Variants in BARD1 observed in about 807,000 individuals in gnomAD.
The protein encoded by BARD1 is BRCA1-associated RING domain protein 1.
In BARD1, 73 loss-of-function variants were observed where a neutral mutation model predicts 77.0. That is an observed-to-expected ratio of 0.95 (90% confidence interval 0.79 to 1.15). BARD1 has a LOEUF of 1.15. BARD1 is among the 50% of genes most tolerant of loss of function. The pLI is 0.00. For missense variants in BARD1, 993 were observed against 938.8 expected (o/e 1.06, Z -0.75); for synonymous variants, 384 against 338.0 (o/e 1.14, Z -1.49).
At chr2:214,740,110 A>G (rs1034325097) in intron 9 of BARD1, among the ~76,000 whole-genome samples, 1 of 151,958 alleles carries the variant, frequency 6.6e-6, no homozygotes, top group Non-Finnish European at 1.5e-5. Flanking sequence ...ACGTCCAAAA[A>G]TTCTCCTAAT....
intron 4 of BARD1, among the ~76,000 whole-genome samples, chr2:214,774,859 A>T (rs1444987371): frequency 6.6e-6 from 1 of 152,192 alleles, no homozygotes; most frequent in Non-Finnish European, 1.5e-5. Flanking sequence ...CTGCTGTTTC[A>T]ACTTGCATTG....
intron 9 of BARD1, among the ~76,000 whole-genome samples, chr2:214,733,273 T>G (rs1692435737): frequency 6.6e-6 from 1 of 152,228 alleles, no homozygotes. Flanking sequence ...GTTTTGGATT[T>G]TGGAATATTT....
chr2:214,809,347 C>T, intron 1 of BARD1, 65 bp downstream of exon 1: 1 of 1,596,280 alleles, frequency 6.3e-7, no homozygotes, highest in Non-Finnish European at 8.5e-7. Context: ...TGAAAAGATT[C>T]TGCCGCCCCC....
intron 2 of BARD1, among the ~76,000 whole-genome samples, chr2:214,793,151 T>C (rs1222310758): frequency 6.6e-6 from 1 of 152,050 alleles, no homozygotes; most frequent in Non-Finnish European, 1.5e-5. Flanking sequence ...TAGGACTGAG[T>C]AAGTAATGTA....
Position 214,761,981 on chromosome 2 carries a change from C to T in BARD1, c.1568+5501G>A, listed in dbSNP as rs192270187. The stretch of plus-strand genomic sequence containing the variant: ...GAAACGTACTAAATCAACAGCTCTC[C>T]TATATATCAAGAATAACAAATTATA... On this transcript the variant is annotated intron_variant, in intron 6 of 10. Transcript: ENST00000260947. Among the ~76,000 whole-genome samples, 411 of 152,232 alleles carry T rather than the reference C, an allele frequency of 2.7e-3. 2 individuals are homozygous for T. The highest frequency in any genetic ancestry group is 9.4e-3 in the African/African-American group (391 of 41,542).
At position 214,728,796 on chromosome 2, in the gene BARD1, G is replaced by GATGAT; in HGVS notation, c.2209_2213dup (p.Tyr739SerfsTer28). The GATGAT allele has an allele frequency of 6.2e-7, 1 of 1,614,186 alleles. No individual in the cohort carries two copies. The highest frequency in any genetic ancestry group is 2.2e-5 in the East Asian group (1 of 44,878). ...GGTGATAATTACACAAATCTTCATA[G>GATGAT]ATGATATACTGTGTGCAGAAGCGCT... On this transcript the variant is annotated frameshift_variant, in exon 11 of 11. Coordinates refer to ENST00000260947, the MANE Select transcript of BARD1 (RefSeq NM_000465.4). LOFTEE classifies it high-confidence loss of function.
chr2:214,769,031 T>G lies in BARD1; in HGVS notation c.1395+201A>C, dbSNP rs1354938731. Among the ~76,000 whole-genome samples, 5 of 152,206 alleles carry G rather than the reference T, an allele frequency of 3.3e-5. No homozygotes were observed. The East Asian group carries it at 9.6e-4, about 29-fold the overall frequency. On this transcript the variant is annotated intron_variant, in intron 5 of 10. Transcript: ENST00000260947. ...GATTCCTAAATCTAAAGGTAGTCTG[T>G]CAAAAGGTAACCAATTTCTTGCCTG...
At chr2:214,755,949 T>C (rs1055426459) in intron 6 of BARD1, among the ~76,000 whole-genome samples, 8 of 152,352 alleles carry the variant, frequency 5.3e-5, no homozygotes, top group Admixed American at 3.9e-4. Flanking sequence ...CACGACAGTA[T>C]ATTAATATCT....
At chr2:214,730,263 A>G (rs905901632) in intron 10 of BARD1, 148 bp downstream of exon 10, 1 of 707,128 alleles carries the variant, frequency 1.4e-6, no homozygotes, top group Non-Finnish European at 2.5e-6. Context: ...CATCGTGATC[A>G]TCTTTCAGAA....
chr2:214,789,412 G>T lies in BARD1; in HGVS notation c.364+2885C>A, dbSNP rs570730240. On this transcript the variant is annotated intron_variant, in intron 3 of 10. Transcript: ENST00000260947. Reference sequence around the variant, plus strand: ...AAATTAATTGGCAGGGTATGTGGTGGTGAGTGCCTGTAGTCGTAGCTACTT... The same window carrying T: ...AAATTAATTGGCAGGGTATGTGGTGTTGAGTGCCTGTAGTCGTAGCTACTT... Among the ~76,000 whole-genome samples, 11 of 151,778 alleles carry T rather than the reference G, an allele frequency of 7.2e-5. 1 individual carries two copies. Among genetic ancestry groups the T allele is most frequent in the Admixed American group, 7.2e-4 (11 of 15,220 alleles).
intron 3 of BARD1, among the ~76,000 whole-genome samples, chr2:214,790,317 C>T (rs755089369): frequency 1.3e-5 from 2 of 152,094 alleles, no homozygotes; most frequent in Non-Finnish European, 2.9e-5. Flanking sequence ...TAGAATGTGA[C>T]TTTACTTGGA....
chr2:214,752,451 G>A lies in BARD1; in HGVS notation c.1673C>T (p.Ser558Leu), dbSNP rs1416123568. The change falls in exon 7 of 11, where the codon TCA becomes TTA. Residue 558 changes from serine to leucine, a missense_variant. Transcript: ENST00000260947. ...KNESSSASHC[S>L]VMNTGQRRDG... The stretch of plus-strand genomic sequence containing the variant: ...CAAAGCTAAATCCATACTTACTACT[G>A]AGCAGTGGCTAGCTGAGGATGATTC... The A allele has an allele frequency of 1.9e-6, 3 of 1,605,486 alleles. No individual in the cohort carries two copies. The highest frequency in any genetic ancestry group is 1.1e-5 in the South Asian group (1 of 90,900).
intron 6 of BARD1, among the ~76,000 whole-genome samples, chr2:214,766,216 C>T (rs1310774093): frequency 6.6e-6 from 1 of 152,156 alleles, no homozygotes; most frequent in East Asian, 1.9e-4. Flanking sequence ...CAGCTGCTGG[C>T]ATTCACTAAT....
At chr2:214,794,249 C>G (rs1695658783) in intron 2 of BARD1, among the ~76,000 whole-genome samples, 1 of 151,916 alleles carries the variant, frequency 6.6e-6, no homozygotes, top group South Asian at 2.1e-4. Flanking sequence ...AGACTCTTGT[C>G]TTCACAAAAA....
At chr2:214,799,611 A>G (rs1695922466) in intron 1 of BARD1, among the ~76,000 whole-genome samples, 1 of 152,130 alleles carries the variant, frequency 6.6e-6, no homozygotes, top group Admixed American at 6.5e-5. Context: ...TATAGTTCCC[A>G]TATCTTTTCT....
chr2:214,741,492 C>A (rs1264059030), intron 9 of BARD1, among the ~76,000 whole-genome samples: 1 of 152,056 alleles, frequency 6.6e-6, no homozygotes, highest in African/African-American at 2.4e-5. Context: ...CTATGAGATT[C>A]GTAAGATGAC....
intron 6 of BARD1, among the ~76,000 whole-genome samples, chr2:214,762,879 A>C (rs1574778154): frequency 7.0e-6 from 1 of 142,026 alleles, no homozygotes; most frequent in African/African-American, 2.6e-5. Context: ...CTAATTCTCC[A>C]CCCCACCCCC....
At chr2:214,729,324 C>T (rs1345330847) in intron 10 of BARD1, among the ~76,000 whole-genome samples, 2 of 152,126 alleles carry the variant, frequency 1.3e-5, no homozygotes, top group East Asian at 1.9e-4. Context: ...GTGTTCTGAC[C>T]GTGACCTGTC....
chr2:214,762,374 T>C (rs1694004825), intron 6 of BARD1, among the ~76,000 whole-genome samples: 1 of 152,180 alleles, frequency 6.6e-6, no homozygotes, highest in Non-Finnish European at 1.5e-5. Context: ...CAAGGGATAC[T>C]CAGTCTATAA....
Sources: allele counts gnomAD v4.1 joint callset (sites outside exome capture counted in the v4.1 genomes callset), GRCh38; gene constraint gnomAD v4.1.1; transcripts MANE v1.5; gene names NCBI Gene and HGNC (gene_info 2026-07-23, HGNC 2026-07-21).